Variants in MAML2 observed in about 807,000 individuals in gnomAD.
The protein encoded by MAML2 is mastermind like transcriptional coactivator 2.
In MAML2, 22 loss-of-function variants were observed where a neutral mutation model predicts 96.1. The observed-to-expected ratio is 0.23, with a 90% confidence interval of 0.16 to 0.33. The LOEUF (loss-of-function observed/expected upper bound fraction) is 0.33, where lower values mean the gene tolerates loss of function less well. Ranked by LOEUF, MAML2 falls within the 10% of genes least tolerant of loss-of-function variation. The probability of loss-of-function intolerance (pLI) is 1.00; values close to 1 mark genes in which losing one functional copy is unlikely to be tolerated. For synonymous variants in MAML2, 561 were observed against 521.3 expected (o/e 1.08, Z -1.04); for missense variants, 1,367 against 1,392.4 (o/e 0.98, Z 0.29).
At chr11:96,284,281 T>A (rs762816231) in intron 1 of MAML2, among the ~76,000 whole-genome samples, 10 of 152,186 alleles carry the variant, frequency 6.6e-5, no homozygotes, top group Non-Finnish European at 1.2e-4. Flanking sequence ...TGAATATGAA[T>A]CCTCTCCAGA....
intron 1 of MAML2, among the ~76,000 whole-genome samples, chr11:96,180,377 G>A (rs2135909791): frequency 6.6e-6 from 1 of 152,290 alleles, no homozygotes; most frequent in South Asian, 2.1e-4. Context: ...TCCAAGGCTA[G>A]GTTATAAAAA....
At chr11:96,273,329 T>A (rs1476447057) in intron 1 of MAML2, among the ~76,000 whole-genome samples, 1 of 152,232 alleles carries the variant, frequency 6.6e-6, no homozygotes, top group Non-Finnish European at 1.5e-5. Context: ...GAAACGTATT[T>A]TTTTTTAAAG....
intron 1 of MAML2, among the ~76,000 whole-genome samples, chr11:96,209,589 C>T (rs1861939730): frequency 2.4e-5 from 1 of 41,924 alleles, no homozygotes; most frequent in Non-Finnish European, 4.8e-5. Context: ...AACAAACAAA[C>T]AAACAAACAA....
chr11:96,276,130 A>T (rs1862985222), intron 1 of MAML2, among the ~76,000 whole-genome samples: 1 of 152,228 alleles, frequency 6.6e-6, no homozygotes, highest in South Asian at 2.1e-4. Flanking sequence ...CAAGAAAGGA[A>T]AAAGGTAAAA....
intron 2 of MAML2, among the ~76,000 whole-genome samples, chr11:96,068,292 G>T (rs1039245240): frequency 2.6e-5 from 4 of 152,102 alleles, no homozygotes; most frequent in Non-Finnish European, 5.9e-5. Context: ...TGGGTTCGTT[G>T]TCTTTGATAT....
chr11:96,008,072 A>C (rs1027855824), intron 2 of MAML2, among the ~76,000 whole-genome samples: 21 of 152,224 alleles, frequency 1.4e-4, no homozygotes, highest in Non-Finnish European at 2.8e-4. Flanking sequence ...TCAATATTAC[A>C]TATCATATAA....
chr11:96,002,530 CTGATGAAGATGATGATGGGGA>C lies in MAML2; in HGVS notation c.2140-10828_2140-10808del, dbSNP rs372715956. On this transcript the variant is annotated intron_variant, in intron 2 of 4. Coordinates refer to ENST00000524717, the MANE Select transcript of MAML2 (RefSeq NM_032427.4). ...GATGACAATGACGATGATGATGGGG[CTGATGAAGATGATGATGGGGA>C]TGATGAAGATGATGGGGATGATGAA... is the stretch of plus-strand genomic sequence containing the variant. Among the ~76,000 whole-genome samples the C allele has an allele frequency of 1.6e-3, 233 of 141,740 alleles. 2 individuals are homozygous for C. The highest frequency in any genetic ancestry group is 6.0e-3 in the African/African-American group (210 of 34,904). 93.0% of individuals were successfully genotyped at this position (141,740 alleles called of 152,430 possible).
intron 1 of MAML2, among the ~76,000 whole-genome samples, chr11:96,159,386 C>T (rs1861063962): frequency 7.1e-6 from 1 of 141,284 alleles, no homozygotes; most frequent in Non-Finnish European, 1.5e-5. Flanking sequence ...AGTTACTAAC[C>T]GTGCCTCTAA....
chr11:96,036,946 C>T (rs1224407928), intron 2 of MAML2, among the ~76,000 whole-genome samples: 1 of 152,124 alleles, frequency 6.6e-6, no homozygotes, highest in Middle Eastern at 3.2e-3. Flanking sequence ...CTTGGAGCAC[C>T]ATCTTAGATA....
intron 1 of MAML2, among the ~76,000 whole-genome samples, chr11:96,285,620 G>A (rs1271206973): frequency 1.3e-5 from 2 of 151,938 alleles, no homozygotes; most frequent in East Asian, 1.9e-4. Flanking sequence ...ACTTAAATTT[G>A]CAAGAAAAAA....
intron 1 of MAML2, among the ~76,000 whole-genome samples, chr11:96,340,036 C>T (rs2136023432): frequency 6.6e-6 from 1 of 152,290 alleles, no homozygotes; most frequent in South Asian, 2.1e-4. Context: ...GAGTCCCATT[C>T]CTAGGTAGCC....
rs944089924 is a variant in MAML2 at position 95,977,694 on chromosome 11, T to C, written c.*1254A>G. The C allele has an allele frequency of 9.0e-6, 2 of 221,424 alleles. No homozygotes were observed. Among genetic ancestry groups the C allele is most frequent in the Non-Finnish European group, 1.8e-5 (2 of 110,566 alleles). 13.7% of individuals were successfully genotyped at this position (221,424 alleles called of 1,614,324 possible). ...AACTCTTTAATACAGTGCTCAGCCC[T>C]GAGGGACAAAACCTGGATATGAAGA... On this transcript the variant is annotated 3_prime_UTR_variant, in exon 5 of 5. Transcript: ENST00000524717.
intron 2 of MAML2, among the ~76,000 whole-genome samples, chr11:96,002,782 TGAG>T (rs1565186443): frequency 1.6e-5 from 2 of 127,798 alleles, no homozygotes; most frequent in Non-Finnish European, 3.3e-5. Context: ...ATGAGGATGA[TGAG>T]GATGATGGGG....
In MAML2 at chr11:96,159,407, C is replaced by CTTTT. The variant is rs760811590; in HGVS notation, c.514-65894_514-65891dup. ...TAACCGTGCCTCTAAACCACTGATT[C>CTTTT]TTTTTTTTTTTTTTTTTTTTTTTGA... On this transcript the variant is annotated intron_variant, in intron 1 of 4. Transcript: ENST00000524717. Among the ~76,000 whole-genome samples the CTTTT allele has an allele frequency of 8.0e-4, 73 of 91,134 alleles. 3 individuals are homozygous for CTTTT. The highest frequency in any genetic ancestry group is 2.3e-3 in the African/African-American group (52 of 22,698). The allele number at this position is 91,134 out of a possible 152,430, so 59.8% of individuals were successfully genotyped here.
chr11:96,101,890 C>G (rs1332624167), intron 1 of MAML2, among the ~76,000 whole-genome samples: 1 of 152,192 alleles, frequency 6.6e-6, no homozygotes, highest in Non-Finnish European at 1.5e-5. Flanking sequence ...TTATTTAGCA[C>G]CAGCTGTATA....
At chr11:96,099,196 T>C (rs1859882303) in intron 1 of MAML2, among the ~76,000 whole-genome samples, 1 of 152,180 alleles carries the variant, frequency 6.6e-6, no homozygotes, top group South Asian at 2.1e-4. Flanking sequence ...ATTTTACTCA[T>C]GGCTGATTAG....
chr11:96,170,149 T>G (rs996965093), intron 1 of MAML2, among the ~76,000 whole-genome samples: 1 of 152,220 alleles, frequency 6.6e-6, no homozygotes, highest in Admixed American at 6.5e-5. Flanking sequence ...TGTGCTACAG[T>G]GCACCTGCCC....
intron 1 of MAML2, among the ~76,000 whole-genome samples, chr11:96,339,932 C>A (rs1434612265): frequency 6.6e-6 from 1 of 152,198 alleles, no homozygotes; most frequent in Non-Finnish European, 1.5e-5. Flanking sequence ...TCTAATACAA[C>A]CCCACAAGCT....
In MAML2 at chr11:96,085,165, CGT is replaced by C. The variant is rs200558677; in HGVS notation, c.2139+6725_2139+6726del. On this transcript the variant is annotated intron_variant, in intron 2 of 4. Transcript: ENST00000524717. Reference sequence around the variant, plus strand: ...TATCCAGAGAGCTGCCTAGGCTATGCGTATGTGTGTGTGTGTGTGTTTAAGTT... The same window carrying C: ...TATCCAGAGAGCTGCCTAGGCTATGCATGTGTGTGTGTGTGTGTTTAAGTT... Among the ~76,000 whole-genome samples the C allele has an allele frequency of 9.1e-3, 936 of 102,632 alleles. 20 individuals carry two copies. Among genetic ancestry groups the C allele is most frequent in the East Asian group, 0.076 (386 of 5,080 alleles). 67.3% of individuals were successfully genotyped at this position (102,632 alleles called of 152,430 possible).
Sources: allele counts gnomAD v4.1 joint callset (sites outside exome capture counted in the v4.1 genomes callset), GRCh38; gene constraint gnomAD v4.1.1; transcripts MANE v1.5; gene names NCBI Gene and HGNC (gene_info 2026-07-23, HGNC 2026-07-21).